The following CCBE1 variants were observed in gnomAD, a reference collection of about 807,000 sequenced individuals.
The protein encoded by CCBE1 is collagen and calcium-binding EGF domain-containing protein 1.
CCBE1 carries 37 observed loss-of-function variants against 50.0 expected under a neutral mutation model. That is an observed-to-expected ratio of 0.74 (90% CI 0.57 to 0.97). The LOEUF is 0.97. Among genes scored for constraint, CCBE1 ranks in the 50% least tolerant of loss-of-function variants. CCBE1 has a pLI of 0.00. For missense variants in CCBE1, 538 were observed against 523.8 expected (o/e 1.03, Z -0.26); for synonymous variants, 234 against 203.7 (o/e 1.15, Z -1.27).
chr18:59,692,642 G>A (rs1239236152), intron 2 of CCBE1, among the ~76,000 whole-genome samples: 1 of 152,084 alleles, frequency 6.6e-6, no homozygotes, highest in Non-Finnish European at 1.5e-5. Context: ...AAACACATTT[G>A]CAAAAACATC....
At chr18:59,529,255 C>G (rs908311695) in intron 2 of CCBE1, among the ~76,000 whole-genome samples, 3 of 152,338 alleles carry the variant, frequency 2.0e-5, no homozygotes, top group Non-Finnish European at 4.4e-5. Context: ...CATGATCTGC[C>G]ACAGCTGCTG....
At chr18:59,665,098 C>T (rs1038935126) in intron 2 of CCBE1, among the ~76,000 whole-genome samples, 2 of 152,116 alleles carry the variant, frequency 1.3e-5, no homozygotes, top group Non-Finnish European at 2.9e-5. Flanking sequence ...AAGGCCAAGG[C>T]AGCTCCAAGC....
chr18:59,683,433 C>T (rs761126217), intron 2 of CCBE1, among the ~76,000 whole-genome samples: 6 of 152,164 alleles, frequency 3.9e-5, no homozygotes, highest in Admixed American at 2.6e-4. Context: ...GGGTGGCTCA[C>T]GCCTGTAATC....
At chr18:59,662,894 G>A (rs7233053) in intron 2 of CCBE1, among the ~76,000 whole-genome samples, 2,868 of 152,274 alleles carry the variant, frequency 0.019, 41 homozygotes, top group Middle Eastern at 0.051. Context: ...ATGAGTTCAA[G>A]CCCGACCTGG....
chr18:59,451,004 G>A (rs1253254375), intron 6 of CCBE1, among the ~76,000 whole-genome samples: 1 of 152,160 alleles, frequency 6.6e-6, no homozygotes, highest in African/African-American at 2.4e-5. Context: ...GAAATCCTAG[G>A]GGCCTCTAAA....
rs544333382 is a variant in CCBE1 at position 59,565,934 on chromosome 18, C to T, written c.213-85696G>A. Among the ~76,000 whole-genome samples, 8 of 152,248 alleles carry T rather than the reference C, an allele frequency of 5.3e-5. No homozygotes were observed. The South Asian group carries it at 1.5e-3, about 28-fold the overall frequency. ...GCTGTTACGTCAGGGCTCCTGAACT[C>T]CCCCATCCCCCAAATGCATTGCCAA... On this transcript the variant is annotated intron_variant, in intron 2 of 10. Transcript: ENST00000439986.
intron 2 of CCBE1, among the ~76,000 whole-genome samples, chr18:59,589,856 C>G (rs1307685634): frequency 1.4e-5 from 2 of 147,658 alleles, no homozygotes; most frequent in Non-Finnish European, 3.0e-5. Flanking sequence ...CTAGGATGTA[C>G]TTCAGGAGTG....
intron 2 of CCBE1, among the ~76,000 whole-genome samples, chr18:59,542,860 C>A (rs1439700984): frequency 2.0e-5 from 3 of 152,192 alleles, no homozygotes; most frequent in Admixed American, 1.3e-4. Flanking sequence ...CACCCACCAA[C>A]ATCCCTCTTT....
At chr18:59,594,647 T>C (rs1217579255) in intron 2 of CCBE1, among the ~76,000 whole-genome samples, 1 of 152,136 alleles carries the variant, frequency 6.6e-6, no homozygotes, top group African/African-American at 2.4e-5. Context: ...TGAACTTTCT[T>C]AAAAGGGGAA....
chr18:59,656,556 C>T (rs974037013), intron 2 of CCBE1, among the ~76,000 whole-genome samples: 1 of 152,176 alleles, frequency 6.6e-6, no homozygotes, highest in African/African-American at 2.4e-5. Context: ...TTTAAGGACG[C>T]CACTCTGAGA....
intron 2 of CCBE1, among the ~76,000 whole-genome samples, chr18:59,540,606 A>C (rs537593273): frequency 5.4e-4 from 83 of 152,298 alleles, no homozygotes; most frequent in African/African-American, 1.9e-3. Context: ...GATTTTCTTA[A>C]CATGGCTGCT....
chr18:59,470,979 C>T (rs1408448502), intron 3 of CCBE1, among the ~76,000 whole-genome samples: 1 of 152,218 alleles, frequency 6.6e-6, no homozygotes, highest in African/African-American at 2.4e-5. Context: ...GCATGGTGTT[C>T]TGACCAACCC....
intron 2 of CCBE1, among the ~76,000 whole-genome samples, chr18:59,542,226 C>T (rs1394958817): frequency 6.6e-6 from 1 of 150,536 alleles, no homozygotes; most frequent in African/African-American, 2.5e-5. Context: ...AAGAACTATG[C>T]TTTCTCAGTG....
chr18:59,682,116 C>T (rs1269038694), intron 2 of CCBE1, among the ~76,000 whole-genome samples: 1 of 152,204 alleles, frequency 6.6e-6, no homozygotes, highest in African/African-American at 2.4e-5. Context: ...GTAATCCCAG[C>T]ACTTTGGGAG....
At chr18:59,445,859 C>T (rs762966644) in intron 7 of CCBE1, among the ~76,000 whole-genome samples, 8 of 152,186 alleles carry the variant, frequency 5.3e-5, no homozygotes, top group Non-Finnish European at 1.0e-4. Flanking sequence ...AATGTACAAA[C>T]GGCAGCACCT....
chr18:59,661,208 T>C (rs2054280180), intron 2 of CCBE1, among the ~76,000 whole-genome samples: 1 of 148,132 alleles, frequency 6.8e-6, no homozygotes, highest in Non-Finnish European at 1.5e-5. Flanking sequence ...ACAGTAAATA[T>C]TTTTGGTCTA....
chr18:59,652,019 C>T (rs942488625), intron 2 of CCBE1, among the ~76,000 whole-genome samples: 1 of 152,196 alleles, frequency 6.6e-6, no homozygotes, highest in East Asian at 1.9e-4. Flanking sequence ...TTCTTTTCAT[C>T]CTTCCCTCTC....
chr18:59,507,923 C>T (rs1475408575), intron 2 of CCBE1, among the ~76,000 whole-genome samples: 2 of 150,706 alleles, frequency 1.3e-5, no homozygotes, highest in Non-Finnish European at 3.0e-5. Context: ...ATGGCATCTC[C>T]CTCTGTCACC....
At chr18:59,508,154 G>A (rs759538883) in intron 2 of CCBE1, among the ~76,000 whole-genome samples, 34 of 151,360 alleles carry the variant, frequency 2.2e-4, no homozygotes, top group Non-Finnish European at 3.7e-4. Context: ...GCCTCCCAAA[G>A]TGCTGGGATT....
Sources: gnomAD v4.1 joint callset for allele counts (sites outside exome capture counted in the v4.1 genomes callset) on GRCh38, gnomAD v4.1.1 for gene constraint, MANE v1.5 for transcripts, NCBI Gene and HGNC (gene_info 2026-07-23, HGNC 2026-07-21) for gene names.